GRK3: variants seen among roughly 807,000 people sequenced by gnomAD.
GRK3 encodes adrenergic, beta, receptor kinase 2.
GRK3 carries 54 observed loss-of-function variants against 95.7 expected under a neutral mutation model. The ratio of observed to expected loss-of-function variants is 0.56; its 90% CI spans 0.45 to 0.71. GRK3 has a LOEUF of 0.71. Ranked by LOEUF, GRK3 falls within the 30% of genes least tolerant of loss-of-function variation. The pLI is 0.00. For missense variants in GRK3, 649 were observed against 851.2 expected, an observed-to-expected ratio of 0.76 and a Z score of 2.96; for synonymous variants, 281 against 290.8, an observed-to-expected ratio of 0.97 and a Z score of 0.34.
At chr22:25,623,034 C>T (rs953193230) in intron 2 of GRK3, among the ~76,000 whole-genome samples, 6 of 152,254 alleles carry the variant, frequency 3.9e-5, no homozygotes, top group African/African-American at 4.8e-5. Context: ...CTTTGCCTCC[C>T]GGGGTCAAGT....
At chr22:25,655,963 T>C (rs1305327103) in intron 3 of GRK3, among the ~76,000 whole-genome samples, 1 of 152,218 alleles carries the variant, frequency 6.6e-6, no homozygotes, top group Non-Finnish European at 1.5e-5. Flanking sequence ...GGTTGAAAGT[T>C]CTAGTGCTGA....
At chr22:25,604,008 TGGG>T (rs577198214) in intron 1 of GRK3, among the ~76,000 whole-genome samples, 1 of 151,984 alleles carries the variant, frequency 6.6e-6, no homozygotes, top group African/African-American at 2.4e-5. Flanking sequence ...GAATTTGTGG[TGGG>T]GGGGCACAGG....
In GRK3 at chr22:25,576,026, A is replaced by G. The variant is rs540066612; in HGVS notation, c.113+10873A>G. ...GATTAAAGACCCTTTTGAGAATCCT[A>G]CTAAGTGAGAGCCTCCCCCTCCCAA... On this transcript the variant is annotated intron_variant, in intron 1 of 20. Coordinates refer to ENST00000324198, the MANE Select transcript of GRK3 (RefSeq NM_005160.4). 1.1e-4 allele frequency among the ~76,000 whole-genome samples: 17 copies of G among 152,362 alleles called. No homozygotes were observed. In the East Asian group the frequency reaches 3.1e-3, roughly 28 times the overall value.
At chr22:25,705,565 G>A (rs938336651) in intron 15 of GRK3, among the ~76,000 whole-genome samples, 8 of 151,978 alleles carry the variant, frequency 5.3e-5, no homozygotes, top group East Asian at 1.9e-4. Context: ...TACTTAGCCT[G>A]GTAATAAACC....
intron 5 of GRK3, among the ~76,000 whole-genome samples, chr22:25,667,027 A>G (rs1184731284): frequency 6.6e-6 from 1 of 152,176 alleles, no homozygotes; most frequent in Non-Finnish European, 1.5e-5. Context: ...GGGGAAGAGC[A>G]CTGTGCATGT....
At chr22:25,686,568 A>G (rs1569195050) in intron 10 of GRK3, among the ~76,000 whole-genome samples, 1 of 152,230 alleles carries the variant, frequency 6.6e-6, no homozygotes, top group African/African-American at 2.4e-5. Context: ...AGTTGGACAC[A>G]CATTCATTTT....
intron 8 of GRK3, among the ~76,000 whole-genome samples, chr22:25,678,011 A>G (rs894463092): frequency 2.6e-5 from 4 of 152,218 alleles, no homozygotes; most frequent in Non-Finnish European, 4.4e-5. Flanking sequence ...TCTTTGTATT[A>G]TTTAAAACGT....
chr22:25,675,998 C>G (rs2085025770), intron 8 of GRK3, among the ~76,000 whole-genome samples: 1 of 152,214 alleles, frequency 6.6e-6, no homozygotes, highest in African/African-American at 2.4e-5. Context: ...TTTGGGACCT[C>G]TCAATGCCTC....
At chr22:25,712,978 C>A (rs2085355823) in intron 17 of GRK3, among the ~76,000 whole-genome samples, 1 of 152,208 alleles carries the variant, frequency 6.6e-6, no homozygotes, top group Non-Finnish European at 1.5e-5. Flanking sequence ...CTAAATAATA[C>A]ATTTTCTTTA....
intron 2 of GRK3, among the ~76,000 whole-genome samples, chr22:25,614,509 C>G (rs968598758): frequency 4.6e-5 from 7 of 152,106 alleles, no homozygotes; most frequent in African/African-American, 1.7e-4. Context: ...TACTATTAGT[C>G]CATAATTGGA....
At chr22:25,710,039 G>A in intron 16 of GRK3, 75 bp downstream of exon 16, 1 of 1,138,418 alleles carries the variant, frequency 8.8e-7, no homozygotes, top group Non-Finnish European at 1.3e-6. Context: ...CTCAGTTTCT[G>A]TCTCTGTCTC....
rs146583867 is a variant in GRK3, at chr22:25,685,867, GT to G, written c.826+637del. On this transcript the variant is annotated intron_variant, in intron 10 of 20. Transcript: ENST00000324198. ...ATACAATTCACAACTCACATGCCTAGTTTTTTTTTTTTTTTTTTAAGTTCAC... is the reference window on the plus strand; with the variant it reads ...ATACAATTCACAACTCACATGCCTAGTTTTTTTTTTTTTTTTTAAGTTCAC... 8.4e-3 allele frequency among the ~76,000 whole-genome samples: 1,145 copies of G among 136,704 alleles called. 10 individuals carry two copies. The highest frequency in any genetic ancestry group is 0.032 in the Middle Eastern group (8 of 252). 89.7% of individuals were successfully genotyped at this position (136,704 alleles called of 152,430 possible). A position where few individuals can be genotyped will look rare whatever the true frequency, so the allele number is the denominator to read the frequency against.
intron 2 of GRK3, 25 bp from the exon 3 acceptor site, chr22:25,644,567 G>T: frequency 7.7e-7 from 1 of 1,301,636 alleles, no homozygotes; most frequent in Non-Finnish European, 1.1e-6. Flanking sequence ...TGCCCACCCT[G>T]AAATTTTTTA....
chr22:25,680,173 C>A (rs2085063778), intron 9 of GRK3, among the ~76,000 whole-genome samples: 1 of 152,180 alleles, frequency 6.6e-6, no homozygotes, highest in Non-Finnish European at 1.5e-5. Flanking sequence ...AGCTAAGTTA[C>A]AACAAATGGA....
In GRK3 at chr22:25,581,406, A is replaced by G. The variant is rs1200693693; in HGVS notation, c.113+16253A>G. On this transcript the variant is annotated intron_variant, in intron 1 of 20. Transcript: ENST00000324198. Reference sequence around the variant, plus strand: ...AGATGTACTATATAATTTCTATGACAGCATCATACACAGATGCAAGATGCA... The same window carrying G: ...AGATGTACTATATAATTTCTATGACGGCATCATACACAGATGCAAGATGCA... The G allele has an allele frequency of 2.6e-5, 4 of 152,246 alleles. No individual in the cohort carries two copies. In the East Asian group the frequency reaches 7.7e-4, roughly 29 times the overall value. The allele number at this position is 152,246 out of a possible 1,614,324, so 9.4% of individuals were successfully genotyped here.
At chr22:25,671,265 G>A (rs1347853437) in intron 6 of GRK3, among the ~76,000 whole-genome samples, 3 of 152,152 alleles carry the variant, frequency 2.0e-5, no homozygotes, top group Admixed American at 2.0e-4. Flanking sequence ...GCGTGAACCC[G>A]GGAGGCGGAG....
chr22:25,681,239 T>G (rs570429532), intron 9 of GRK3, among the ~76,000 whole-genome samples: 1 of 152,318 alleles, frequency 6.6e-6, no homozygotes, highest in African/African-American at 2.4e-5. Context: ...TCCCAGTTCT[T>G]AGTTCTCATA....
chr22:25,666,593 C>T (rs2084943394), intron 5 of GRK3, among the ~76,000 whole-genome samples: 2 of 152,082 alleles, frequency 1.3e-5, no homozygotes, highest in Admixed American at 6.5e-5. Context: ...CGCCCCCTAT[C>T]CCGCGTTGCC....
chr22:25,714,298 T>A, intron 17 of GRK3, 110 bp from the exon 18 acceptor site: 4 of 852,674 alleles, frequency 4.7e-6, no homozygotes, highest in Non-Finnish European at 7.1e-6. Flanking sequence ...TGCCATCTAG[T>A]CATCTTCCTA....
Sources: allele counts gnomAD v4.1 joint callset (sites outside exome capture counted in the v4.1 genomes callset), GRCh38; gene constraint gnomAD v4.1.1; transcripts MANE v1.5; gene names NCBI Gene and HGNC (gene_info 2026-07-23, HGNC 2026-07-21).